GOLM1: variants seen among roughly 807,000 people sequenced by gnomAD.
GOLM1 encodes the protein epididymis luminal protein 46.
In GOLM1, 31 loss-of-function variants were observed where a neutral mutation model predicts 50.5. That is an observed-to-expected ratio of 0.61 (90% CI 0.46 to 0.83). The LOEUF (loss-of-function observed/expected upper bound fraction) is 0.83, where lower values mean the gene tolerates loss of function less well. Ranked by LOEUF, GOLM1 falls within the 40% of genes least tolerant of loss-of-function variation. The probability of loss-of-function intolerance (pLI) is 0.00; values close to 1 mark genes in which losing one functional copy is unlikely to be tolerated. For synonymous variants in GOLM1, 178 were observed against 192.8 expected (o/e 0.92, Z 0.64); for missense variants, 491 against 501.3 (o/e 0.98, Z 0.20).
chr9:86,044,660 A>T (rs1481310728), intron 5 of GOLM1, among the ~76,000 whole-genome samples: 1 of 152,246 alleles, frequency 6.6e-6, no homozygotes, highest in Non-Finnish European at 1.5e-5. Context: ...AAATTAAAAA[A>T]TAAGAGGCTG....
intron 9 of GOLM1, among the ~76,000 whole-genome samples, chr9:86,028,834 T>C (rs1460230926): frequency 6.8e-6 from 1 of 146,280 alleles, no homozygotes. Flanking sequence ...GTGAAGGGGA[T>C]AAGGGAACTT....
intron 6 of GOLM1, among the ~76,000 whole-genome samples, chr9:86,037,725 G>A (rs549967045): frequency 6.6e-5 from 10 of 152,266 alleles, no homozygotes; most frequent in African/African-American, 2.4e-4. Flanking sequence ...GAGACAGACA[G>A]CCCAATACAG....
At chr9:86,042,529 A>G (rs1833391249) in intron 5 of GOLM1, among the ~76,000 whole-genome samples, 1 of 152,198 alleles carries the variant, frequency 6.6e-6, no homozygotes, top group Non-Finnish European at 1.5e-5. Context: ...TATGGAAATA[A>G]TGCAGTGCCG....
At chr9:86,078,855 C>T (rs1834702131) in intron 2 of GOLM1, among the ~76,000 whole-genome samples, 2 of 152,194 alleles carry the variant, frequency 1.3e-5, no homozygotes, top group South Asian at 2.1e-4. Context: ...GCCGGAGGAC[C>T]GCAAACAACG....
intron 9 of GOLM1, among the ~76,000 whole-genome samples, chr9:86,031,547 T>C (rs1194462467): frequency 7.0e-6 from 1 of 143,144 alleles, no homozygotes; most frequent in Non-Finnish European, 1.5e-5. Flanking sequence ...CTGCAACCTC[T>C]GCCTCCCGAG....
chr9:86,030,104 G>A (rs1170004377), intron 9 of GOLM1, among the ~76,000 whole-genome samples: 1 of 151,300 alleles, frequency 6.6e-6, no homozygotes, highest in Admixed American at 6.6e-5. Flanking sequence ...CCAGCTCCCA[G>A]CTACTCAGGA....
chr9:86,053,453 A>T (rs1343636818), intron 3 of GOLM1, among the ~76,000 whole-genome samples: 1 of 86,108 alleles, frequency 1.2e-5, no homozygotes, highest in African/African-American at 4.6e-5. Flanking sequence ...TCCATACCAA[A>T]CCACATCACA....
chr9:86,054,332 T>C (rs1833920014), intron 3 of GOLM1, among the ~76,000 whole-genome samples: 1 of 151,174 alleles, frequency 6.6e-6, no homozygotes, highest in East Asian at 2.0e-4. Context: ...AATGGCGCGA[T>C]CTCCGGTTCA....
intron 5 of GOLM1, among the ~76,000 whole-genome samples, chr9:86,045,695 T>TATACAC (rs1554782794): frequency 6.8e-6 from 1 of 147,502 alleles, no homozygotes; most frequent in African/African-American, 2.5e-5. Context: ...AAAAAGTATA[T>TATACAC]ACACACACAC....
At chr9:86,046,241 A>G (rs1448942053) in intron 5 of GOLM1, among the ~76,000 whole-genome samples, 2 of 152,220 alleles carry the variant, frequency 1.3e-5, no homozygotes, top group Non-Finnish European at 2.9e-5. Context: ...TGTGCCTTAC[A>G]GAGTTTTAAG....
chr9:86,041,108 A>T lies in GOLM1; in HGVS notation c.468-240T>A, dbSNP rs546766506. On this transcript the variant is annotated intron_variant, in intron 5 of 9. Coordinates refer to ENST00000388712, the MANE Select transcript of GOLM1 (RefSeq NM_016548.4). Reference sequence around the variant, plus strand: ...GTGAACTTTACTGATTAGGCAGAAAATTTTTTTTTAACATACAATCTGTAG... The same window carrying T: ...GTGAACTTTACTGATTAGGCAGAAATTTTTTTTTTAACATACAATCTGTAG... 8.6e-5 allele frequency among the ~76,000 whole-genome samples: 13 copies of T among 151,900 alleles called. No individual in the cohort carries two copies. In the South Asian group the frequency reaches 1.2e-3, roughly 15 times the overall value.
At chr9:86,085,394 A>AT (rs934516123) in intron 1 of GOLM1, among the ~76,000 whole-genome samples, 2 of 134,224 alleles carry the variant, frequency 1.5e-5, no homozygotes, top group Admixed American at 7.3e-5. Context: ...CATTTGAATA[A>AT]TTTTTTTTCA....
chr9:86,035,971 G>T (rs985612196), intron 7 of GOLM1, among the ~76,000 whole-genome samples: 3 of 151,480 alleles, frequency 2.0e-5, no homozygotes, highest in Non-Finnish European at 4.4e-5. Context: ...CATCGGGTCC[G>T]CTGGAGCAAG....
chr9:86,041,529 G>A (rs1833350527), intron 5 of GOLM1, among the ~76,000 whole-genome samples: 1 of 152,178 alleles, frequency 6.6e-6, no homozygotes, highest in African/African-American at 2.4e-5. Flanking sequence ...GATGGGGGCG[G>A]CTGACTCCAC....
chr9:86,040,953 C>T, intron 5 of GOLM1, 85 bp from the exon 6 acceptor site: 2 of 1,340,516 alleles, frequency 1.5e-6, no homozygotes, highest in East Asian at 2.3e-5. Flanking sequence ...ATAAGAGACA[C>T]AGACCCTCTT....
In GOLM1 at chr9:86,027,924, G is replaced by A. The variant is rs1346361271; in HGVS notation, c.1130-31C>T. ...AAGGAAAAACACATAATATTCTATA[G>A]AGTATTAAATGAGATACTAGCCCTA... is the stretch of plus-strand genomic sequence containing the variant. On this transcript the variant is annotated intron_variant, in intron 9 of 9. Coordinates refer to ENST00000388712, the MANE Select transcript of GOLM1 (RefSeq NM_016548.4). 13 of 1,356,384 alleles carry A rather than the reference G, an allele frequency of 9.6e-6. No homozygotes were observed. The South Asian group carries it at 1.5e-4, about 16-fold the overall frequency. 84.0% of individuals were successfully genotyped at this position (1,356,384 alleles called of 1,614,324 possible).
In GOLM1 at chr9:86,075,837, T is replaced by C. The variant is rs561129666; in HGVS notation, c.309+1575A>G. 3.9e-5 allele frequency among the ~76,000 whole-genome samples: 6 copies of C among 152,154 alleles called. No individual in the cohort carries two copies. In the East Asian group the frequency reaches 1.2e-3, roughly 29 times the overall value. On this transcript the variant is annotated intron_variant, in intron 3 of 9. Coordinates refer to ENST00000388712, the MANE Select transcript of GOLM1 (RefSeq NM_016548.4). ...GGATTTCAGGAGCACAAAAAGCATATCTCACCAGTAAGAAAAGGGAAGAAA... is the reference window on the plus strand; with the variant it reads ...GGATTTCAGGAGCACAAAAAGCATACCTCACCAGTAAGAAAAGGGAAGAAA...
At chr9:86,037,061 T>C (rs1833169537) in intron 6 of GOLM1, among the ~76,000 whole-genome samples, 1 of 152,188 alleles carries the variant, frequency 6.6e-6, no homozygotes. Context: ...TATTTGGAAA[T>C]TAAACAACAC....
At position 86,068,723 on chromosome 9, in the gene GOLM1, T is replaced by C. The variant is rs182538546; in HGVS notation, c.309+8689A>G. ...ATGTTTGTTATGGGTTTAACTATGTTTGGGGATAACCTGATATGCAGTAAC... is the reference window on the plus strand; with the variant it reads ...ATGTTTGTTATGGGTTTAACTATGTCTGGGGATAACCTGATATGCAGTAAC... On this transcript the variant is annotated intron_variant, in intron 3 of 9. Coordinates refer to ENST00000388712, the MANE Select transcript of GOLM1 (RefSeq NM_016548.4). Among the ~76,000 whole-genome samples the C allele has an allele frequency of 2.5e-3, 381 of 152,358 alleles. 7 individuals are homozygous for C. Among genetic ancestry groups the C allele is most frequent in the Admixed American group, 0.02 (304 of 15,302 alleles).
Sources: allele counts gnomAD v4.1 joint callset (sites outside exome capture counted in the v4.1 genomes callset), GRCh38; gene constraint gnomAD v4.1.1; transcripts MANE v1.5; gene names NCBI Gene and HGNC (gene_info 2026-07-23, HGNC 2026-07-21).